ZBTB16: variants seen among roughly 807,000 people sequenced by gnomAD.
ZBTB16 encodes the protein zinc finger and BTB domain-containing protein 16.
In ZBTB16, 8 loss-of-function variants were observed where a neutral mutation model predicts 56.8. The observed-to-expected ratio is 0.14, with a 90% CI of 0.08 to 0.25. The LOEUF (loss-of-function observed/expected upper bound fraction) is 0.25. Ranked by LOEUF, ZBTB16 falls within the 10% of genes least tolerant of loss-of-function variation. The probability of loss-of-function intolerance (pLI) is 1.00; values close to 1 mark genes in which losing one functional copy is unlikely to be tolerated. For missense variants in ZBTB16, 625 were observed against 903.0 expected (o/e 0.69, Z 3.95); for synonymous variants, 363 against 368.5 (o/e 0.98, Z 0.17).
chr11:114,163,936 C>CT (rs1942669354), intron 3 of ZBTB16, among the ~76,000 whole-genome samples: 1 of 152,176 alleles, frequency 6.6e-6, no homozygotes, highest in African/African-American at 2.4e-5. Flanking sequence ...ATTTTGCTTC[C>CT]TGTAGAGCAT....
chr11:114,096,737 G>A (rs1433672606), intron 2 of ZBTB16, among the ~76,000 whole-genome samples: 9 of 152,130 alleles, frequency 5.9e-5, no homozygotes, highest in Admixed American at 2.6e-4. Flanking sequence ...AGCATTTTAC[G>A]GGCACTTTTG....
chr11:114,215,565 C>T (rs1347053752), intron 4 of ZBTB16, among the ~76,000 whole-genome samples: 1 of 152,174 alleles, frequency 6.6e-6, no homozygotes, highest in East Asian at 1.9e-4. Context: ...AGAAAGACTC[C>T]TTTTGTCTTT....
intron 2 of ZBTB16, among the ~76,000 whole-genome samples, chr11:114,075,889 C>A (rs186208389): frequency 1.9e-4 from 29 of 152,202 alleles, no homozygotes; most frequent in African/African-American, 7.0e-4. Flanking sequence ...TTAAGTTGTT[C>A]GTTTTCTTTT....
At chr11:114,213,830 A>T (rs1477882421) in intron 4 of ZBTB16, among the ~76,000 whole-genome samples, 2 of 152,112 alleles carry the variant, frequency 1.3e-5, no homozygotes, top group Admixed American at 1.3e-4. Flanking sequence ...GGCACAGAGG[A>T]GTTAAGTAAC....
intron 2 of ZBTB16, among the ~76,000 whole-genome samples, chr11:114,132,187 C>A (rs117628871): frequency 6.6e-6 from 1 of 151,936 alleles, no homozygotes; most frequent in South Asian, 2.1e-4. Flanking sequence ...CTGTACAAGA[C>A]GGGTTAAATG....
chr11:114,109,023 C>T (rs1046544438), intron 2 of ZBTB16, among the ~76,000 whole-genome samples: 5 of 152,120 alleles, frequency 3.3e-5, no homozygotes, highest in South Asian at 2.1e-4. Context: ...GGAGTGGGGA[C>T]GGGGCTGATC....
At chr11:114,075,046 A>T (rs908005004) in intron 2 of ZBTB16, among the ~76,000 whole-genome samples, 1 of 152,098 alleles carries the variant, frequency 6.6e-6, no homozygotes, top group Non-Finnish European at 1.5e-5. Context: ...GGGGAAGGAG[A>T]GACCCCCACG....
intron 3 of ZBTB16, among the ~76,000 whole-genome samples, chr11:114,167,723 T>C (rs562262407): frequency 4.1e-4 from 62 of 152,318 alleles, no homozygotes; most frequent in Non-Finnish European, 6.0e-4. Flanking sequence ...AAGATTCTTT[T>C]ATCATCCCGG....
intron 4 of ZBTB16, among the ~76,000 whole-genome samples, chr11:114,206,811 TTGTC>T (rs1943885985): frequency 6.6e-6 from 1 of 152,188 alleles, no homozygotes; most frequent in Non-Finnish European, 1.5e-5. Context: ...CCCCATCCCT[TTGTC>T]TGCCCAAAAT....
intron 3 of ZBTB16, among the ~76,000 whole-genome samples, chr11:114,167,235 T>TTTG (rs1942791847): frequency 4.0e-5 from 4 of 99,634 alleles, no homozygotes; most frequent in East Asian, 2.9e-4. Context: ...TTTTTTGGTT[T>TTTG]TTTTTTTTTT....
chr11:114,070,843 A>G (rs1408860894), intron 2 of ZBTB16, among the ~76,000 whole-genome samples: 2 of 152,222 alleles, frequency 1.3e-5, no homozygotes, highest in African/African-American at 4.8e-5. Context: ...ATTTCCAGGA[A>G]GTATCCTTTT....
At chr11:114,217,782 G>C (rs368123662) in intron 4 of ZBTB16, among the ~76,000 whole-genome samples, 26 of 152,270 alleles carry the variant, frequency 1.7e-4, no homozygotes, top group Admixed American at 7.8e-4. Flanking sequence ...ATGAGAGTTG[G>C]GGCAAAGGGC....
intron 6 of ZBTB16, among the ~76,000 whole-genome samples, chr11:114,249,993 G>C (rs1944890803): frequency 6.6e-6 from 1 of 152,254 alleles, no homozygotes; most frequent in South Asian, 2.1e-4. Flanking sequence ...TTCTTAATTA[G>C]AAAGGGAAAA....
chr11:114,158,282 C>T (rs550006687), intron 3 of ZBTB16, among the ~76,000 whole-genome samples: 83 of 152,128 alleles, frequency 5.5e-4, no homozygotes, highest in Non-Finnish European at 8.5e-4. Flanking sequence ...CCCTCTCAGC[C>T]GCAGTAAGCG....
In ZBTB16 at chr11:114,102,644, A is replaced by G. The variant is rs528235970; in HGVS notation, c.1268+38076A>G. Among the ~76,000 whole-genome samples the G allele has an allele frequency of 1.1e-4, 16 of 147,384 alleles. 2 individuals carry two copies. In the South Asian group the frequency reaches 1.3e-3, roughly 12 times the overall value. ...TTTCTGGGATGATTTTAGCATATGT[A>G]GTAAGAGGGGTGCTTTTTGCTGATA... is the stretch of plus-strand genomic sequence containing the variant. On this transcript the variant is annotated intron_variant, in intron 2 of 6. Coordinates refer to ENST00000335953, the MANE Select transcript of ZBTB16 (RefSeq NM_006006.6).
rs1457474201 is a variant in ZBTB16, at chr11:114,064,716, C to A, written c.1268+148C>A. 3 of 1,114,268 alleles carry A rather than the reference C, an allele frequency of 2.7e-6. No homozygotes were observed. Among genetic ancestry groups the A allele is most frequent in the East Asian group, 5.2e-5 (2 of 38,708 alleles). The allele number at this position is 1,114,268 out of a possible 1,614,324, so 69.0% of individuals were successfully genotyped here. ...CAGAACACTTCTTCTAAAGTTCTGG[C>A]GGGGAGGGGAGCAGGTTTTTTAAAG... On this transcript the variant is annotated intron_variant, in intron 2 of 6. Coordinates refer to ENST00000335953, the MANE Select transcript of ZBTB16 (RefSeq NM_006006.6). The surrounding 1 kb of genome is among the most constrained non-coding windows in gnomAD (Gnocchi z 4.2).
At chr11:114,179,604 C>T (rs1234434338) in intron 3 of ZBTB16, among the ~76,000 whole-genome samples, 1 of 152,150 alleles carries the variant, frequency 6.6e-6, no homozygotes, top group Non-Finnish European at 1.5e-5. Flanking sequence ...AAAAAGGACA[C>T]ACCACTCAAC....
intron 2 of ZBTB16, among the ~76,000 whole-genome samples, chr11:114,132,440 A>G (rs954874123): frequency 2.0e-5 from 3 of 152,294 alleles, no homozygotes; most frequent in South Asian, 2.1e-4. Context: ...TTGCCTTACA[A>G]TGTCTGTCAG....
At chr11:114,149,097 C>T (rs571776106) in intron 2 of ZBTB16, among the ~76,000 whole-genome samples, 1 of 152,104 alleles carries the variant, frequency 6.6e-6, no homozygotes, top group South Asian at 2.1e-4. Flanking sequence ...CAGCACAGAC[C>T]CATGTCAGCC....
Sources: allele counts gnomAD v4.1 joint callset (sites outside exome capture counted in the v4.1 genomes callset), GRCh38; gene constraint gnomAD v4.1.1; non-coding constraint Gnocchi (gnomAD v3.1); transcripts MANE v1.5; gene names NCBI Gene and HGNC (gene_info 2026-07-23, HGNC 2026-07-21).